Variants in UVRAG observed in about 807,000 individuals in gnomAD.
UVRAG encodes the protein UV radiation resistance-associated gene protein.
UVRAG carries 19 observed loss-of-function variants against 78.0 expected under a neutral mutation model. That is an observed-to-expected ratio of 0.24 (90% confidence interval 0.17 to 0.36). UVRAG has a LOEUF of 0.36. Among genes scored for constraint, UVRAG ranks in the 10% least tolerant of loss-of-function variants. The pLI is 1.00. For synonymous variants in UVRAG, 323 were observed against 324.6 expected (o/e 1.00, Z 0.05); for missense variants, 740 against 853.8 (o/e 0.87, Z 1.66).
intron 2 of UVRAG, among the ~76,000 whole-genome samples, chr11:75,852,928 C>T (rs942107193): frequency 2.0e-5 from 3 of 152,020 alleles, no homozygotes; most frequent in African/African-American, 4.8e-5. Context: ...TATTTATTTT[C>T]GAGATAGGAT....
intron 7 of UVRAG, among the ~76,000 whole-genome samples, chr11:75,974,426 G>T: frequency 6.8e-6 from 1 of 147,570 alleles, no homozygotes; most frequent in Admixed American, 6.7e-5. Context: ...GACTGCAGTG[G>T]CGCAATCTCG....
rs548563334 is a variant in UVRAG, at chr11:76,062,465, A to G, written c.1227-3245A>G. Among the ~76,000 whole-genome samples, 6 of 152,226 alleles carry G rather than the reference A, an allele frequency of 3.9e-5. No homozygotes were observed. The East Asian group carries it at 9.7e-4, about 25-fold the overall frequency. On this transcript the variant is annotated intron_variant, in intron 12 of 14. Coordinates refer to ENST00000356136, the MANE Select transcript of UVRAG (RefSeq NM_003369.4). ...ATCAATCTCCTGTAACGCATATACC[A>G]TTCACTTTGGTTCTCCCTGCTTGAA... is the stretch of plus-strand genomic sequence containing the variant.
chr11:75,935,361 A>G (rs1484734507), intron 6 of UVRAG, among the ~76,000 whole-genome samples: 2 of 152,118 alleles, frequency 1.3e-5, no homozygotes, highest in South Asian at 4.1e-4. Flanking sequence ...GAATTGCTTT[A>G]TTAGTTATTA....
intron 12 of UVRAG, among the ~76,000 whole-genome samples, chr11:76,049,417 G>T (rs1451786734): frequency 6.6e-6 from 1 of 152,198 alleles, no homozygotes; most frequent in Non-Finnish European, 1.5e-5. Flanking sequence ...TAGATTTGAT[G>T]GTTTTCAGAG....
chr11:76,029,511 A>G (rs1006293705), intron 12 of UVRAG, among the ~76,000 whole-genome samples: 1 of 152,180 alleles, frequency 6.6e-6, no homozygotes, highest in East Asian at 1.9e-4. Context: ...AGATAAAAAT[A>G]TCAGCATTAA....
chr11:76,006,068 G>A (rs989931431), intron 9 of UVRAG, among the ~76,000 whole-genome samples: 2 of 152,116 alleles, frequency 1.3e-5, no homozygotes, highest in Admixed American at 6.5e-5. Flanking sequence ...CTAGTGACCA[G>A]TTCCATCCTG....
chr11:76,008,902 A>G lies in UVRAG; in HGVS notation c.1060+35A>G, dbSNP rs182710080. 5 of 1,166,458 alleles carry G rather than the reference A, an allele frequency of 4.3e-6. No individual in the cohort carries two copies. The Admixed American group carries it at 1.2e-4, about 29-fold the overall frequency. The allele number at this position is 1,166,458 out of a possible 1,614,324, so 72.3% of individuals were successfully genotyped here. ...TTTTTATTTTGAAGATTTGTTATAT[A>G]TTAATATATGGAAATAGAATATCTT... On this transcript the variant is annotated intron_variant, in intron 11 of 14. Transcript: ENST00000356136.
chr11:76,107,822 C>A lies in UVRAG; in HGVS notation c.1306-8102C>A, dbSNP rs950114178. Among the ~76,000 whole-genome samples, 5 of 151,842 alleles carry A rather than the reference C, an allele frequency of 3.3e-5. No homozygotes were observed. The South Asian group carries it at 1.0e-3, about 32-fold the overall frequency. On this transcript the variant is annotated intron_variant, in intron 13 of 14. Transcript: ENST00000356136. ...TTTTTTTCAAGCGCATAATCTAGTT[C>A]TTTTCATGTCAGTGAAACTTAGTAG...
At chr11:76,010,084 C>T (rs1388149273) in intron 11 of UVRAG, among the ~76,000 whole-genome samples, 1 of 152,162 alleles carries the variant, frequency 6.6e-6, no homozygotes, top group African/African-American at 2.4e-5. Context: ...CCTCAGATAT[C>T]TGTAAGACAT....
At chr11:76,097,627 A>G (rs1951808625) in intron 13 of UVRAG, among the ~76,000 whole-genome samples, 1 of 152,016 alleles carries the variant, frequency 6.6e-6, no homozygotes, top group Non-Finnish European at 1.5e-5. Context: ...CTATTATATT[A>G]TGGAACTGCC....
At chr11:75,823,005 G>C (rs1250139715) in intron 1 of UVRAG, among the ~76,000 whole-genome samples, 2 of 152,064 alleles carry the variant, frequency 1.3e-5, no homozygotes, top group African/African-American at 4.8e-5. Flanking sequence ...ACCAAGAGTT[G>C]TCTCATTAGA....
At chr11:75,935,606 A>G (rs752269183) in intron 6 of UVRAG, among the ~76,000 whole-genome samples, 3 of 152,142 alleles carry the variant, frequency 2.0e-5, no homozygotes, top group Non-Finnish European at 2.9e-5. Context: ...GGATACTGCT[A>G]CCTTAATACT....
intron 14 of UVRAG, among the ~76,000 whole-genome samples, chr11:76,132,517 A>T (rs1178790103): frequency 6.6e-6 from 1 of 152,188 alleles, no homozygotes; most frequent in African/African-American, 2.4e-5. Flanking sequence ...GTAGACAGAT[A>T]AAACAAGTAC....
chr11:75,888,048 C>T (rs946848132), intron 4 of UVRAG, among the ~76,000 whole-genome samples: 2 of 152,146 alleles, frequency 1.3e-5, no homozygotes, highest in Admixed American at 1.3e-4. Flanking sequence ...ACATTTAAGA[C>T]TTTAGGGATT....
At chr11:75,929,039 G>C (rs571466334) in intron 6 of UVRAG, among the ~76,000 whole-genome samples, 37 of 150,528 alleles carry the variant, frequency 2.5e-4, no homozygotes, top group African/African-American at 9.0e-4. Flanking sequence ...TGTGGTGAAA[G>C]TGGTACAAAG....
chr11:76,100,814 G>A (rs1411413938), intron 13 of UVRAG, among the ~76,000 whole-genome samples: 1 of 152,008 alleles, frequency 6.6e-6, no homozygotes, highest in Non-Finnish European at 1.5e-5. Context: ...TTGTGTCCAT[G>A]TATTCTCATC....
At chr11:75,996,393 A>T (rs1565110551) in intron 8 of UVRAG, among the ~76,000 whole-genome samples, 1 of 152,184 alleles carries the variant, frequency 6.6e-6, no homozygotes, top group Non-Finnish European at 1.5e-5. Flanking sequence ...TTTGTGGAAC[A>T]CTTTCAAAGA....
chr11:76,116,672 T>C (rs1295378314), intron 14 of UVRAG, among the ~76,000 whole-genome samples: 3 of 152,248 alleles, frequency 2.0e-5, no homozygotes, highest in Admixed American at 6.5e-5. Flanking sequence ...TTAGTAATTC[T>C]TGAAGTTTGA....
At chr11:76,028,679 G>A (rs183693818) in intron 12 of UVRAG, among the ~76,000 whole-genome samples, 17 of 152,258 alleles carry the variant, frequency 1.1e-4, no homozygotes, top group African/African-American at 2.9e-4. Context: ...CCAGAGCAAC[G>A]ACCTAACTTT....
Sources: allele counts gnomAD v4.1 joint callset (sites outside exome capture counted in the v4.1 genomes callset), GRCh38; gene constraint gnomAD v4.1.1; transcripts MANE v1.5; gene names NCBI Gene and HGNC (gene_info 2026-07-23, HGNC 2026-07-21).